Variants in MMUT observed in about 807,000 individuals in gnomAD.
MMUT encodes methylmalonyl-CoA mutase, also known as methylmalonyl-CoA mutase, mitochondrial.
A neutral mutation model predicts 79.9 loss-of-function variants in MMUT; 79 were observed. The observed-to-expected ratio is 0.99, with a 90% CI of 0.82 to 1.19. The LOEUF (loss-of-function observed/expected upper bound fraction) is 1.19. MMUT is among the 50% of genes most tolerant of loss of function. The pLI is 0.00. For synonymous variants in MMUT, 273 were observed against 295.7 expected, an observed-to-expected ratio of 0.92 and a Z score of 0.79; for missense variants, 860 against 917.2, an observed-to-expected ratio of 0.94 and a Z score of 0.81.
rs1248808615 is a variant in MMUT at position 49,430,534 on chromosome 6, A to G, written c.*1194T>C. 1 of 152,230 alleles carries G rather than the reference A, an allele frequency of 6.6e-6. No homozygotes were observed. The highest frequency in any genetic ancestry group is 2.4e-5 in the African/African-American group (1 of 41,468). 9.4% of individuals were successfully genotyped at this position (152,230 alleles called of 1,614,324 possible). ...TCAGTGTTCATCTGAAAATGGGAAC[A>G]ATAATCATGACAATACCATTCAGAT... On this transcript the variant is annotated 3_prime_UTR_variant, in exon 13 of 13. Coordinates refer to ENST00000274813, the MANE Select transcript of MMUT (RefSeq NM_000255.4).
At chr6:49,455,444 G>C (rs1401239187) in intron 4 of MMUT, among the ~76,000 whole-genome samples, 1 of 152,090 alleles carries the variant, frequency 6.6e-6, no homozygotes, top group African/African-American at 2.4e-5. Context: ...ACAAATCCCT[G>C]GTACAAAGGA....
At chr6:49,439,050 G>A (rs1054111198) in intron 11 of MMUT, among the ~76,000 whole-genome samples, 1 of 152,120 alleles carries the variant, frequency 6.6e-6, no homozygotes, top group African/African-American at 2.4e-5. Context: ...AGGGTGGCAG[G>A]AGTGGAGACC....
At chr6:49,439,392 G>T (rs1561951814) in intron 11 of MMUT, among the ~76,000 whole-genome samples, 1 of 152,132 alleles carries the variant, frequency 6.6e-6, no homozygotes, top group African/African-American at 2.4e-5. Context: ...ATGGGGGCCT[G>T]CCAAAGGCTC....
At position 49,451,679 on chromosome 6, in the gene MMUT, T is replaced by C. The variant is rs755977989; in HGVS notation, c.1119A>G (p.Glu373=). 16 of 1,613,938 alleles carry C rather than the reference T, an allele frequency of 9.9e-6. No homozygotes were observed. In the East Asian group the frequency reaches 3.6e-4, roughly 36 times the overall value. ...TCCCTCCAAATACTGCTGCCATTGC[T>C]TCTATTGCAGTACGGACAATATTAT... is the stretch of plus-strand genomic sequence containing the variant. ...PYNNIVRTAI[E]AMAAVFGGTQ... Residue 373 remains glutamate (E), a synonymous_variant, in exon 6 of 13, where the codon GAA becomes GAG. Transcript: ENST00000274813.
At chr6:49,462,343 T>C (rs1767873581) in intron 1 of MMUT, among the ~76,000 whole-genome samples, 1 of 152,216 alleles carries the variant, frequency 6.6e-6, no homozygotes, top group Admixed American at 6.5e-5. Context: ...TGACGTATGA[T>C]TGCACATTAA....
intron 4 of MMUT, among the ~76,000 whole-genome samples, chr6:49,455,456 C>T (rs767253127): frequency 1.3e-5 from 2 of 152,170 alleles, no homozygotes; most frequent in Admixed American, 6.5e-5. Flanking sequence ...TACAAAGGAG[C>T]ATTTCAGTAG....
intron 7 of MMUT, among the ~76,000 whole-genome samples, 153 bp downstream of exon 7, chr6:49,448,663 C>T (rs1767470048): frequency 6.6e-6 from 1 of 152,052 alleles, no homozygotes; most frequent in South Asian, 2.1e-4. Flanking sequence ...TGTGAAAATA[C>T]ATATATAGAT....
At chr6:49,432,473 C>T (rs575741016) in intron 12 of MMUT, among the ~76,000 whole-genome samples, 38 of 152,052 alleles carry the variant, frequency 2.5e-4, no homozygotes, top group Non-Finnish European at 4.9e-4. Context: ...CTGCAAGCTC[C>T]GCCTCCCGGG....
chr6:49,461,899 A>T (rs1171454898), intron 1 of MMUT, among the ~76,000 whole-genome samples: 1 of 152,238 alleles, frequency 6.6e-6, no homozygotes, highest in Non-Finnish European at 1.5e-5. Context: ...GGTGGATGAA[A>T]AAAATAATGA....
rs753564352 is a variant in MMUT at position 49,444,652 on chromosome 6, C to T, written c.1663G>A (p.Ala555Thr). The change falls in exon 9 of 13, where the codon GCA (alanine) becomes ACA (threonine). Residue 555 changes from alanine to threonine, a missense_variant. Coordinates refer to ENST00000274813, the MANE Select transcript of MMUT (RefSeq NM_000255.4). Reference sequence around the variant, plus strand: ...ATATATCTTCACCTTGCCCGAGATGCATCCACTGCAAGAGCCAGGATATTT... The same window carrying T: ...ATATATCTTCACCTTGCCCGAGATGTATCCACTGCAAGAGCCAGGATATTT... ...DGNILALAVDASRARCTVGEI... is the reference protein window; with the variant it reads ...DGNILALAVDTSRARCTVGEI... 8 of 1,612,940 alleles carry T rather than the reference C, an allele frequency of 5.0e-6. No individual in the cohort carries two copies. In the East Asian group the frequency reaches 1.3e-4, roughly 27 times the overall value.
Position 49,450,643 on chromosome 6 carries a change from C to G in MMUT, c.1332+823G>C, listed in dbSNP as rs535321100. On this transcript the variant is annotated intron_variant, in intron 6 of 12. Transcript: ENST00000274813. The stretch of plus-strand genomic sequence containing the variant: ...TGAATTTCCTGAATGGAAATAATGT[C>G]AAGCTTAGTCAGGCTATTAATCAAT... Among the ~76,000 whole-genome samples, 63 of 152,256 alleles carry G rather than the reference C, an allele frequency of 4.1e-4. No individual in the cohort carries two copies. In the South Asian group the frequency reaches 0.012, roughly 29 times the overall value.
intron 11 of MMUT, among the ~76,000 whole-genome samples, chr6:49,436,940 A>C (rs1767147170): frequency 2.0e-5 from 3 of 152,114 alleles, no homozygotes. Context: ...ACTGGGGCCT[A>C]TCAGAGGGTA....
At position 49,457,821 on chromosome 6, in the gene MMUT, AC is replaced by A. The variant is rs1581834906; in HGVS notation, c.622del (p.Val208TyrfsTer15). The A allele has an allele frequency of 3.1e-6, 5 of 1,613,700 alleles. No individual in the cohort carries two copies. The highest frequency in any genetic ancestry group is 4.2e-6 in the Non-Finnish European group (5 of 1,179,626). On this transcript the variant is annotated frameshift_variant, in exon 3 of 13. Transcript: ENST00000274813. LOFTEE classifies it high-confidence loss of function. The part of the protein sequence containing the change: ...NFIVTGEEQG[V>X]PKEKLTGTIQ... ...GGTACCAGTAAGCTTCTCTTTAGGTACACCTTGTTCTTCTCCAGTTACTATA... is the reference window on the plus strand; with the variant it reads ...GGTACCAGTAAGCTTCTCTTTAGGTAACCTTGTTCTTCTCCAGTTACTATA...
chr6:49,431,829 C>T lies in MMUT; in HGVS notation c.2152G>A (p.Val718Ile). The T allele has an allele frequency of 6.2e-7, 1 of 1,613,722 alleles. No individual in the cohort carries two copies. The highest frequency in any genetic ancestry group is 8.5e-7 in the Non-Finnish European group (1 of 1,179,662). The change falls in exon 13 of 13, where the codon GTT becomes ATT. Residue 718 changes from valine (V) to isoleucine (I), a missense_variant. Val to Ile is a conservative substitution (Grantham distance 29). Coordinates refer to ENST00000274813, the MANE Select transcript of MMUT (RefSeq NM_000255.4). Reference protein sequence around the residue: ...QDYEFLFEVGVSNVFGPGTRI... With the variant: ...QDYEFLFEVGISNVFGPGTRI... The stretch of plus-strand genomic sequence containing the variant: ...GTCCCAGGACCAAATACATTGGAAA[C>T]ACCAACTTCAAACAGAAATTCATAA...
chr6:49,454,077 T>G (rs559499297), intron 4 of MMUT, among the ~76,000 whole-genome samples: 51 of 152,316 alleles, frequency 3.3e-4, no homozygotes, highest in African/African-American at 1.2e-3. Flanking sequence ...TTAGGAATAC[T>G]CAATATGTAA....
Position 49,451,503 on chromosome 6 carries a change from T to C in MMUT, c.1295A>G (p.Glu432Gly), listed in dbSNP as rs1297307718. Residue 432 changes from glutamate to glycine, a missense_variant, in exon 6 of 13, where the codon GAA becomes GGA. Glu to Gly is a moderately conservative substitution (Grantham distance 98). Transcript: ENST00000274813. ...ADPWGGSYMM[E>G]CLTNDVYDAA... ...ATCATAAACATCATTTGTGAGACAT[T>C]CCATCATGTAAGAACCTCCCCAAGG... The C allele has an allele frequency of 6.2e-7, 1 of 1,614,082 alleles. No homozygotes were observed. The highest frequency in any genetic ancestry group is 8.5e-7 in the Non-Finnish European group (1 of 1,179,990).
chr6:49,439,572 G>A (rs1345475102), intron 11 of MMUT, among the ~76,000 whole-genome samples: 2 of 152,264 alleles, frequency 1.3e-5, no homozygotes, highest in South Asian at 4.1e-4. Flanking sequence ...CGATAAATAG[G>A]CCAGAGTAAC....
rs192621187 is a variant in MMUT at position 49,449,373 on chromosome 6, A to T, written c.1333-446T>A. Among the ~76,000 whole-genome samples, 259 of 152,328 alleles carry T rather than the reference A, an allele frequency of 1.7e-3. 4 individuals carry two copies. Among genetic ancestry groups the T allele is most frequent in the African/African-American group, 5.8e-3 (243 of 41,574 alleles). ...ATCATAGCTTCATATATGAAGGCAG[A>T]AAACAGACAGTGGAATGATATATGA... On this transcript the variant is annotated intron_variant, in intron 6 of 12. Transcript: ENST00000274813.
chr6:49,452,820 G>C (rs1767586725), intron 5 of MMUT, among the ~76,000 whole-genome samples: 2 of 151,952 alleles, frequency 1.3e-5, no homozygotes, highest in South Asian at 4.1e-4. Flanking sequence ...ATTTTTAAGA[G>C]AACAAATTAA....
Sources: allele counts gnomAD v4.1 joint callset (sites outside exome capture counted in the v4.1 genomes callset), GRCh38; gene constraint gnomAD v4.1.1; transcripts MANE v1.5; gene names NCBI Gene and HGNC (gene_info 2026-07-23, HGNC 2026-07-21).